CACNB2: variants seen among roughly 807,000 people sequenced by gnomAD.
CACNB2 encodes voltage-dependent L-type calcium channel subunit beta-2.
CACNB2 carries 42 observed loss-of-function variants against 73.3 expected under a neutral mutation model. The observed-to-expected ratio is 0.57, with a 90% confidence interval of 0.45 to 0.74. The LOEUF (loss-of-function observed/expected upper bound fraction) is 0.74. CACNB2 is among the 30% of genes least tolerant of loss of function. CACNB2 has a pLI of 0.00. For missense variants in CACNB2, 940 were observed against 853.0 expected, an observed-to-expected ratio of 1.10 and a Z score of -1.27; for synonymous variants, 348 against 310.3, an observed-to-expected ratio of 1.12 and a Z score of -1.28.
chr10:18,325,512 GTCTT>G lies in CACNB2; in HGVS notation c.214-76404_214-76401del, dbSNP rs985913572. ...CACCCAGATGAAACCTAGTCTGTCT[GTCTT>G]TCTTTCTCTTTCTTTCTTCCTTCTT... On this transcript the variant is annotated intron_variant, in intron 2 of 13. Transcript: ENST00000324631. Among the ~76,000 whole-genome samples, 620 of 150,208 alleles carry G rather than the reference GTCTT, an allele frequency of 4.1e-3. 7 individuals carry two copies. The highest frequency in any genetic ancestry group is 0.014 in the African/African-American group (594 of 41,406).
chr10:18,299,353 G>A (rs1193749496), intron 2 of CACNB2, among the ~76,000 whole-genome samples: 1 of 152,082 alleles, frequency 6.6e-6, no homozygotes, highest in Non-Finnish European at 1.5e-5. Context: ...TAGGGCCTGG[G>A]AAAGTGTGAG....
chr10:18,262,810 G>A (rs895245442), intron 2 of CACNB2, among the ~76,000 whole-genome samples: 21 of 151,976 alleles, frequency 1.4e-4, no homozygotes, highest in African/African-American at 4.8e-4. Flanking sequence ...CTGAAATAAG[G>A]CCTCCAACAA....
chr10:18,193,294 A>C (rs1464779590), intron 2 of CACNB2, among the ~76,000 whole-genome samples: 5 of 151,272 alleles, frequency 3.3e-5, no homozygotes, highest in Non-Finnish European at 7.4e-5. Flanking sequence ...CAGTGATTGA[A>C]TCATTATACA....
chr10:18,531,404 C>T (rs1216087262), intron 10 of CACNB2, among the ~76,000 whole-genome samples: 3 of 152,176 alleles, frequency 2.0e-5, no homozygotes. Flanking sequence ...TCTTTATCCA[C>T]TCCATCACTG....
chr10:18,478,446 A>G (rs900881619), intron 3 of CACNB2, among the ~76,000 whole-genome samples: 6 of 152,252 alleles, frequency 3.9e-5, no homozygotes, highest in Non-Finnish European at 8.8e-5. Context: ...AAAAATGTAT[A>G]GAATGGTGGT....
intron 3 of CACNB2, among the ~76,000 whole-genome samples, chr10:18,495,510 C>T (rs547883466): frequency 2.6e-5 from 4 of 151,582 alleles, no homozygotes; most frequent in South Asian, 2.1e-4. Flanking sequence ...TGAGCCATCA[C>T]GCCCGGCCAA....
intron 2 of CACNB2, among the ~76,000 whole-genome samples, chr10:18,316,466 C>G (rs1007010528): frequency 2.0e-5 from 3 of 149,450 alleles, no homozygotes; most frequent in South Asian, 2.1e-4. Flanking sequence ...CTTCCCCCCT[C>G]TCTTTTTTTT....
At chr10:18,146,252 G>A (rs1364335361) in intron 1 of CACNB2, among the ~76,000 whole-genome samples, 1 of 151,500 alleles carries the variant, frequency 6.6e-6, no homozygotes, top group Non-Finnish European at 1.5e-5. Flanking sequence ...AGGAAAGTCT[G>A]GAAATTCAAA....
intron 3 of CACNB2, among the ~76,000 whole-genome samples, chr10:18,455,499 G>T (rs2047234697): frequency 6.6e-6 from 1 of 152,192 alleles, no homozygotes; most frequent in Admixed American, 6.5e-5. Context: ...ATTCTGTTGG[G>T]AACACCTGTG....
intron 2 of CACNB2, among the ~76,000 whole-genome samples, chr10:18,176,606 A>G (rs2131183714): frequency 6.6e-6 from 1 of 151,366 alleles, no homozygotes; most frequent in South Asian, 2.1e-4. Flanking sequence ...CATTGAAGGA[A>G]CATTGAAAGT....
In CACNB2 at chr10:18,435,882, C is replaced by G. The variant is rs543911753; in HGVS notation, c.333+33839C>G. 1.5e-4 allele frequency among the ~76,000 whole-genome samples: 17 copies of G among 113,384 alleles called. No homozygotes were observed. In the East Asian group the frequency reaches 3.0e-3, roughly 20 times the overall value. 74.4% of individuals were successfully genotyped at this position (113,384 alleles called of 152,430 possible). A position where few individuals can be genotyped will look rare whatever the true frequency, so the allele number is the denominator to read the frequency against. On this transcript the variant is annotated intron_variant, in intron 3 of 13. Transcript: ENST00000324631. ...TGCACCTATATGTAAAATCACTCAT[C>G]AAAATTATTGAGATCTACACAGAGC...
At chr10:18,192,674 C>A (rs1354844891) in intron 2 of CACNB2, among the ~76,000 whole-genome samples, 1 of 152,158 alleles carries the variant, frequency 6.6e-6, no homozygotes, top group Non-Finnish European at 1.5e-5. Context: ...TGGCAACCAC[C>A]AATCTGTGTT....
chr10:18,496,814 CAAAAAAA>C (rs905870687), intron 3 of CACNB2, among the ~76,000 whole-genome samples: 14 of 45,180 alleles, frequency 3.1e-4, no homozygotes, highest in Non-Finnish European at 4.7e-4. Context: ...AACTCCGCCT[CAAAAAAA>C]AAAAAAAAAA....
chr10:18,344,839 A>G (rs1444287787), intron 2 of CACNB2, among the ~76,000 whole-genome samples: 1 of 152,240 alleles, frequency 6.6e-6, no homozygotes, highest in African/African-American at 2.4e-5. Flanking sequence ...AATACCCCAC[A>G]AGCTCACCAT....
chr10:18,215,694 T>C (rs1412442684), intron 2 of CACNB2, among the ~76,000 whole-genome samples: 3 of 152,210 alleles, frequency 2.0e-5, no homozygotes, highest in Admixed American at 1.3e-4. Context: ...ATTTTATTTG[T>C]GCTTTTTGAT....
intron 2 of CACNB2, among the ~76,000 whole-genome samples, chr10:18,339,974 G>A (rs1174873163): frequency 6.6e-6 from 1 of 152,096 alleles, no homozygotes. Flanking sequence ...CACCATGATG[G>A]ATGCAAAATG....
intron 2 of CACNB2, among the ~76,000 whole-genome samples, chr10:18,291,186 C>A (rs1255946140): frequency 6.6e-6 from 1 of 152,156 alleles, no homozygotes; most frequent in South Asian, 2.1e-4. Context: ...TGAAACTGAG[C>A]CCTGAATTAT....
At chr10:18,507,076 G>A (rs756854461) in intron 6 of CACNB2, among the ~76,000 whole-genome samples, 1 of 152,222 alleles carries the variant, frequency 6.6e-6, no homozygotes, top group Non-Finnish European at 1.5e-5. Flanking sequence ...TGGGTTTACA[G>A]ATGTAAGCCA....
intron 2 of CACNB2, among the ~76,000 whole-genome samples, chr10:18,347,255 G>T (rs535597779): frequency 6.6e-6 from 1 of 151,796 alleles, no homozygotes; most frequent in Non-Finnish European, 1.5e-5. Context: ...TTGGCTCAAT[G>T]CAACCTCCGC....
Sources: gnomAD v4.1 joint callset for allele counts (sites outside exome capture counted in the v4.1 genomes callset) on GRCh38, gnomAD v4.1.1 for gene constraint, MANE v1.5 for transcripts, NCBI Gene and HGNC (gene_info 2026-07-23, HGNC 2026-07-21) for gene names.